Variants in MYRIP observed in about 807,000 individuals in gnomAD.
MYRIP encodes the protein rab effector MyRIP.
In MYRIP, 49 loss-of-function variants were observed where a neutral mutation model predicts 98.0. The observed-to-expected ratio is 0.50, with a 90% CI of 0.40 to 0.63. The LOEUF (loss-of-function observed/expected upper bound fraction) is 0.63. Among genes scored for constraint, MYRIP ranks in the 30% least tolerant of loss-of-function variants. MYRIP has a pLI of 0.00. For missense variants in MYRIP, 1,004 were observed against 1,058.2 expected, an observed-to-expected ratio of 0.95 and a Z score of 0.71; for synonymous variants, 404 against 409.5, an observed-to-expected ratio of 0.99 and a Z score of 0.16.
chr3:40,163,471 A>T (rs1950439835), intron 5 of MYRIP, among the ~76,000 whole-genome samples: 1 of 152,244 alleles, frequency 6.6e-6, no homozygotes, highest in African/African-American at 2.4e-5. Flanking sequence ...AGAGAACAGC[A>T]TTTGAATCAT....
At chr3:39,828,520 T>C (rs553556018) in intron 1 of MYRIP, among the ~76,000 whole-genome samples, 18 of 152,186 alleles carry the variant, frequency 1.2e-4, no homozygotes, top group African/African-American at 3.6e-4. Flanking sequence ...GTACAGGTGG[T>C]ATTTGGTTAC....
chr3:40,193,851 A>G (rs2679816), intron 10 of MYRIP, among the ~76,000 whole-genome samples: 133,606 of 152,074 alleles, frequency 0.88, 58,843 homozygotes, highest in Middle Eastern at 0.95. Context: ...TTCTTCTTTC[A>G]TCCATCCCGC....
chr3:40,109,105 T>A (rs1949109021), intron 3 of MYRIP, among the ~76,000 whole-genome samples: 1 of 152,218 alleles, frequency 6.6e-6, no homozygotes, highest in South Asian at 2.1e-4. Context: ...TACCCACTTT[T>A]ACTCCTCACT....
chr3:40,250,414 A>G (rs1265109842), intron 14 of MYRIP, 25 bp from the exon 15 acceptor site: 2 of 1,614,086 alleles, frequency 1.2e-6, no homozygotes, highest in African/African-American at 1.3e-5. Context: ...GCAAAGGTAT[A>G]TTGCTCATTG....
At chr3:40,234,231 G>C (rs1225112475) in intron 12 of MYRIP, among the ~76,000 whole-genome samples, 178 bp downstream of exon 12, 1 of 152,054 alleles carries the variant, frequency 6.6e-6, no homozygotes, top group African/African-American at 2.4e-5. Context: ...GCAGACCCTA[G>C]ATGAGGATTT....
At chr3:40,139,563 G>A (rs1190944362) in intron 3 of MYRIP, among the ~76,000 whole-genome samples, 1 of 152,040 alleles carries the variant, frequency 6.6e-6, no homozygotes, top group African/African-American at 2.4e-5. Context: ...GTTCATTCAT[G>A]TCATTTATAT....
chr3:40,180,130 G>C (rs903117615), intron 8 of MYRIP, among the ~76,000 whole-genome samples: 3 of 152,202 alleles, frequency 2.0e-5, no homozygotes, highest in Admixed American at 6.5e-5. Context: ...GAATGAAGGA[G>C]ATGACACTCA....
intron 4 of MYRIP, among the ~76,000 whole-genome samples, chr3:40,161,791 C>G (rs2125589282): frequency 1.3e-5 from 2 of 152,278 alleles, no homozygotes; most frequent in African/African-American, 4.8e-5. Context: ...TCACCTCCCC[C>G]TTCCAAGCTA....
intron 3 of MYRIP, among the ~76,000 whole-genome samples, chr3:40,057,638 G>A (rs994494091): frequency 1.3e-5 from 2 of 152,122 alleles, no homozygotes; most frequent in Non-Finnish European, 2.9e-5. Flanking sequence ...GTGCACACAT[G>A]GAATGATGGA....
chr3:40,035,518 A>T (rs540133132), intron 2 of MYRIP, among the ~76,000 whole-genome samples: 1 of 152,158 alleles, frequency 6.6e-6, no homozygotes, highest in South Asian at 2.1e-4. Context: ...GAGTTAATAG[A>T]TGCAACCAAT....
intron 7 of MYRIP, among the ~76,000 whole-genome samples, chr3:40,169,067 C>A (rs940901944): frequency 6.6e-6 from 1 of 152,172 alleles, no homozygotes; most frequent in African/African-American, 2.4e-5. Flanking sequence ...ACTAAGCAAA[C>A]AAATGATCTC....
intron 9 of MYRIP, among the ~76,000 whole-genome samples, chr3:40,186,954 A>G (rs1460087445): frequency 6.6e-6 from 1 of 152,194 alleles, no homozygotes; most frequent in Non-Finnish European, 1.5e-5. Flanking sequence ...ACCCAATAAT[A>G]AATGGTAATA....
chr3:39,936,565 C>T (rs560436929), intron 2 of MYRIP, among the ~76,000 whole-genome samples: 208 of 152,276 alleles, frequency 1.4e-3, no homozygotes, highest in African/African-American at 4.6e-3. Context: ...TGAGAACATT[C>T]GCCTTGGCCT....
chr3:39,810,254 C>G (rs561335465), intron 1 of MYRIP, among the ~76,000 whole-genome samples: 1 of 152,372 alleles, frequency 6.6e-6, no homozygotes, highest in African/African-American at 2.4e-5. Flanking sequence ...TCACCGCGTA[C>G]CTACTGTGCT....
Position 40,190,387 on chromosome 3 carries a change from C to A in MYRIP, c.1589C>A (p.Ala530Asp), listed in dbSNP as rs766766767. The A allele has an allele frequency of 1.1e-5, 18 of 1,613,806 alleles. No homozygotes were observed. Among genetic ancestry groups the A allele is most frequent in the Middle Eastern group, 1.7e-4 (1 of 6,060 alleles). The change falls in exon 10 of 17, where the codon GCC becomes GAC. Residue 530 changes from alanine (A) to aspartate (D), a missense_variant. By Grantham distance (126) the Ala-to-Asp change is moderately radical. Coordinates refer to ENST00000302541, the MANE Select transcript of MYRIP (RefSeq NM_015460.4). ...CGGCGGGCCAGGAGGTGGAGAAGAG[C>A]CCGACTGGGCTCAGAAGAGCCAAGC... is the stretch of plus-strand genomic sequence containing the variant. Reference protein sequence around the residue: ...TDRRARRWRRARLGSEEPSKE... With the variant: ...TDRRARRWRRDRLGSEEPSKE...
At chr3:39,835,835 C>T (rs1323167841) in intron 1 of MYRIP, among the ~76,000 whole-genome samples, 1 of 152,142 alleles carries the variant, frequency 6.6e-6, no homozygotes, top group East Asian at 1.9e-4. Context: ...TGAGTGAGAA[C>T]ATGGAGTGAT....
intron 3 of MYRIP, among the ~76,000 whole-genome samples, chr3:40,088,050 A>C (rs1001088878): frequency 2.0e-5 from 3 of 152,096 alleles, no homozygotes; most frequent in Non-Finnish European, 2.9e-5. Flanking sequence ...GTGCAGAAAA[A>C]GGTGGGCAGC....
chr3:40,133,575 G>A (rs1026642481), intron 3 of MYRIP, among the ~76,000 whole-genome samples: 3 of 152,152 alleles, frequency 2.0e-5, no homozygotes, highest in Admixed American at 6.5e-5. Context: ...TAAGTAGAAA[G>A]TATGTATGTT....
At chr3:40,015,476 C>T (rs1421784968) in intron 2 of MYRIP, among the ~76,000 whole-genome samples, 1 of 152,230 alleles carries the variant, frequency 6.6e-6, no homozygotes, top group African/African-American at 2.4e-5. Context: ...ATTCCAAGAA[C>T]ATCTCCCTCA....
Sources: gnomAD v4.1 joint callset for allele counts (sites outside exome capture counted in the v4.1 genomes callset) on GRCh38, gnomAD v4.1.1 for gene constraint, MANE v1.5 for transcripts, NCBI Gene and HGNC (gene_info 2026-07-23, HGNC 2026-07-21) for gene names.